SEC61A2: variants seen among roughly 807,000 people sequenced by gnomAD.
SEC61A2 encodes the protein SEC61 translocon subunit alpha 2, also known as protein transport protein Sec61 subunit alpha isoform 2.
SEC61A2 carries 28 observed loss-of-function variants against 59.9 expected under a neutral mutation model. That is an observed-to-expected ratio of 0.47 (90% CI 0.35 to 0.64). The LOEUF is 0.64. Ranked by LOEUF, SEC61A2 falls within the 30% of genes least tolerant of loss-of-function variation. The pLI is 0.01. For synonymous variants in SEC61A2, 202 were observed against 214.4 expected (o/e 0.94, Z 0.50); for missense variants, 340 against 585.9 (o/e 0.58, Z 4.33).
At chr10:12,167,563 C>A (rs1834733356), downstream of SEC61A2, 2 of 728,524 alleles carry the variant, frequency 2.7e-6, no homozygotes, top group Non-Finnish European at 4.4e-6. Context: ...CAATTCCATA[C>A]CACCACCACA....
rs1450252428 is a variant in SEC61A2 at position 12,155,291 on chromosome 10, A to G, written c.463-487A>G. 4.0e-6 allele frequency: 6 copies of G among 1,483,382 alleles called. No homozygotes were observed. The highest frequency in any genetic ancestry group is 1.3e-5 in the South Asian group (1 of 77,046). The allele number at this position is 1,483,382 out of a possible 1,614,324, so 91.9% of individuals were successfully genotyped here. ...TATAGAGTATACATATATATAATAT[A>G]TATAATGCTTTTTTCAAAGGATCAA... On this transcript the variant is annotated intron_variant, in intron 6 of 11. Transcript: ENST00000298428. This position sits in a 1 kb window ranked among gnomAD's most constrained non-coding sequence, Gnocchi z 4.3.
chr10:12,133,607 A>G (rs72781503), intron 2 of SEC61A2, among the ~76,000 whole-genome samples: 7,649 of 152,336 alleles, frequency 0.05, 260 homozygotes, highest in Non-Finnish European at 0.078. Flanking sequence ...GTGATCCTTT[A>G]TAAATCCTGT....
At position 12,145,718 on chromosome 10, in the gene SEC61A2, G is replaced by A. The variant is rs997883510; in HGVS notation, c.220+2523G>A. Reference sequence around the variant, plus strand: ...GGATCTTCACGCTCGTGTGTGAGATGTGCCTCTCTCCAGCCTTGTTAGGAT... The same window carrying A: ...GGATCTTCACGCTCGTGTGTGAGATATGCCTCTCTCCAGCCTTGTTAGGAT... On this transcript the variant is annotated intron_variant, in intron 4 of 11. Transcript: ENST00000298428. This position sits in a 1 kb window ranked among gnomAD's most constrained non-coding sequence, Gnocchi z 4.4. 2.6e-5 allele frequency among the ~76,000 whole-genome samples: 4 copies of A among 152,218 alleles called. No individual in the cohort carries two copies. Among genetic ancestry groups the A allele is most frequent in the Non-Finnish European group, 4.4e-5 (3 of 68,038 alleles).
chr10:12,169,543 C>T (rs377344011), downstream of SEC61A2: 1 of 476,684 alleles, frequency 2.1e-6, no homozygotes, highest in South Asian at 3.2e-5. This position sits in a 1 kb window ranked among gnomAD's most constrained non-coding sequence, Gnocchi z 4.8. Context: ...ATTGTCATGC[C>T]TTTCTCCAAA....
At chr10:12,139,709 A>G (rs1381147639) in intron 3 of SEC61A2, among the ~76,000 whole-genome samples, 2 of 152,034 alleles carry the variant, frequency 1.3e-5, no homozygotes, top group Non-Finnish European at 2.9e-5. Flanking sequence ...GCATGAACCC[A>G]GGATGCAGAG....
In SEC61A2 at chr10:12,152,459, C is replaced by A. The variant is rs185073280; in HGVS notation, c.462+2498C>A. Among the ~76,000 whole-genome samples, 3 of 152,264 alleles carry A rather than the reference C, an allele frequency of 2.0e-5. No homozygotes were observed. The highest frequency in any genetic ancestry group is 6.5e-5 in the Admixed American group (1 of 15,298). ...GTGTGTTCGCATTTGGTAGAAGATA[C>A]GTTTCCTTAAAGAATAACTGTCAGA... On this transcript the variant is annotated intron_variant, in intron 6 of 11. Transcript: ENST00000298428. The surrounding 1 kb of genome is among the most constrained non-coding windows in gnomAD (Gnocchi z 5.5).
In SEC61A2 at chr10:12,145,536, T is replaced by G. The variant is rs1272752902; in HGVS notation, c.220+2341T>G. On this transcript the variant is annotated intron_variant, in intron 4 of 11. Coordinates refer to ENST00000298428, the MANE Select transcript of SEC61A2 (RefSeq NM_018144.4). The surrounding 1 kb of genome is among the most constrained non-coding windows in gnomAD (Gnocchi z 4.4). The stretch of plus-strand genomic sequence containing the variant: ...AAAAGCTGGCATCAGTTATTTAATT[T>G]TGATTTCTTTATAGATTGGTGAGTT... 6.6e-6 allele frequency among the ~76,000 whole-genome samples: 1 copy of G among 152,268 alleles called. No individual in the cohort carries two copies. The highest frequency in any genetic ancestry group is 1.5e-5 in the Non-Finnish European group (1 of 68,052).
Position 12,156,045 on chromosome 10 carries a change from A to G in SEC61A2, c.616+114A>G. On this transcript the variant is annotated intron_variant, in intron 7 of 11. Coordinates refer to ENST00000298428, the MANE Select transcript of SEC61A2 (RefSeq NM_018144.4). The surrounding 1 kb of genome is among the most constrained non-coding windows in gnomAD (Gnocchi z 5.2). ...GTTCTGGTTTGCTCTCCTAGGGGAT[A>G]AGGAATGCGAATTCTTCAAAACTTA... 1 of 1,026,860 alleles carries G rather than the reference A, an allele frequency of 9.7e-7. No homozygotes were observed. The highest frequency in any genetic ancestry group is 2.4e-5 in the East Asian group (1 of 41,414). 63.6% of individuals were successfully genotyped at this position (1,026,860 alleles called of 1,614,324 possible).
chr10:12,138,479 C>G (rs1254892490), intron 3 of SEC61A2, among the ~76,000 whole-genome samples: 1 of 152,186 alleles, frequency 6.6e-6, no homozygotes, highest in Admixed American at 6.5e-5. Flanking sequence ...ACTACAACCT[C>G]TGTGGATATA....
chr10:12,144,450 A>G (rs7919751), intron 4 of SEC61A2, among the ~76,000 whole-genome samples: 74,314 of 152,112 alleles, frequency 0.49, 18,295 homozygotes, highest in South Asian at 0.66. Flanking sequence ...ATTCCATTAT[A>G]AGGATACGCT....
Position 12,153,421 on chromosome 10 carries a change from A to G in SEC61A2, c.463-2357A>G, listed in dbSNP as rs1176644743. Among the ~76,000 whole-genome samples the G allele has an allele frequency of 6.6e-6, 1 of 152,222 alleles. No homozygotes were observed. The highest frequency in any genetic ancestry group is 1.5e-5 in the Non-Finnish European group (1 of 68,040). Reference sequence around the variant, plus strand: ...TCTCTAGTATCTTACTTAAGGATCTATTCAGATTCCTAAGGAATCTCCACT... The same window carrying G: ...TCTCTAGTATCTTACTTAAGGATCTGTTCAGATTCCTAAGGAATCTCCACT... On this transcript the variant is annotated intron_variant, in intron 6 of 11. Coordinates refer to ENST00000298428, the MANE Select transcript of SEC61A2 (RefSeq NM_018144.4). The surrounding 1 kb of genome is among the most constrained non-coding windows in gnomAD (Gnocchi z 5.2).
At chr10:12,151,416 AT>A (rs774915436) in intron 6 of SEC61A2, among the ~76,000 whole-genome samples, 63 of 148,212 alleles carry the variant, frequency 4.3e-4, no homozygotes, top group Non-Finnish European at 3.3e-4. Context: ...GTTTCAAGCG[AT>A]TTTCCTGCCT....
chr10:12,131,550 A>G (rs975997366), intron 1 of SEC61A2, among the ~76,000 whole-genome samples: 2 of 152,064 alleles, frequency 1.3e-5, no homozygotes, highest in Admixed American at 6.6e-5. Context: ...TGGGAAAACA[A>G]TACTTTCTGA....
intron 3 of SEC61A2, 129 bp downstream of exon 3, chr10:12,136,299 TTTTA>T: frequency 2.0e-6 from 1 of 489,938 alleles, no homozygotes; most frequent in Non-Finnish European, 3.6e-6. Context: ...TTATTATCCT[TTTTA>T]TTTTTTATTA....
At position 12,145,909 on chromosome 10, in the gene SEC61A2, C is replaced by G. The variant is rs1207886354; in HGVS notation, c.220+2714C>G. Among the ~76,000 whole-genome samples the G allele has an allele frequency of 6.6e-6, 1 of 152,224 alleles. No homozygotes were observed. Among genetic ancestry groups the G allele is most frequent in the Non-Finnish European group, 1.5e-5 (1 of 68,048 alleles). On this transcript the variant is annotated intron_variant, in intron 4 of 11. Transcript: ENST00000298428. This position sits in a 1 kb window ranked among gnomAD's most constrained non-coding sequence, Gnocchi z 4.4. The stretch of plus-strand genomic sequence containing the variant: ...TGGAATCTACAGTGGAGATGAACAG[C>G]TAAGCCCCAGGAAGAAGGGGAGCAA...
chr10:12,133,290 T>C lies in SEC61A2; in HGVS notation c.57T>C (p.Ile19=). The C allele has an allele frequency of 6.4e-7, 1 of 1,564,464 alleles. No homozygotes were observed. The highest frequency in any genetic ancestry group is 8.8e-7 in the Non-Finnish European group (1 of 1,137,868). ...IKPFCAVLPE[I]QKPERKIQFR... is the part of the protein sequence containing the mutation. ...CATTCTGTGCAGTTCTACCAGAAAT[T>C]CAGAAACCGGAAAGGAAAGTAAGTA... The change falls in exon 2 of 12, where the codon ATT becomes ATC. Residue 19 remains isoleucine (I), a synonymous_variant. Coordinates refer to ENST00000298428, the MANE Select transcript of SEC61A2 (RefSeq NM_018144.4).
chr10:12,131,475 A>G (rs1193295582), intron 1 of SEC61A2, among the ~76,000 whole-genome samples: 3 of 152,164 alleles, frequency 2.0e-5, no homozygotes, highest in East Asian at 1.9e-4. Flanking sequence ...AAGCCGTGCC[A>G]GAAGACAGTG....
rs562971345 is a variant in SEC61A2 at position 12,158,928 on chromosome 10, A to G, written c.975+823A>G. Among the ~76,000 whole-genome samples the G allele has an allele frequency of 1.4e-3, 217 of 152,088 alleles. 2 individuals carry two copies. The highest frequency in any genetic ancestry group is 5.0e-3 in the African/African-American group (206 of 41,474). ...AGACGGTAGAGACAGCGGTGCTGCT[A>G]GTAATATAATCCTATACATTCTCAT... On this transcript the variant is annotated intron_variant, in intron 9 of 11. Coordinates refer to ENST00000298428, the MANE Select transcript of SEC61A2 (RefSeq NM_018144.4). The surrounding 1 kb of genome is among the most constrained non-coding windows in gnomAD (Gnocchi z 5.7).
chr10:12,166,411 C>A, downstream of SEC61A2: 1 of 159,780 alleles, frequency 6.3e-6, no homozygotes, highest in Non-Finnish European at 1.4e-5. Flanking sequence ...TCTTAATTTT[C>A]ACATGTATAG....
Sources: allele counts gnomAD v4.1 joint callset (sites outside exome capture counted in the v4.1 genomes callset), GRCh38; gene constraint gnomAD v4.1.1; non-coding constraint Gnocchi (gnomAD v3.1); transcripts MANE v1.5; gene names NCBI Gene and HGNC (gene_info 2026-07-23, HGNC 2026-07-21).